The following USH2A variants were observed in gnomAD, a reference collection of about 807,000 sequenced individuals.
USH2A encodes the protein usherin, also known as Usher syndrome 2A (autosomal recessive, mild).
Under a neutral mutation model 538.9 loss-of-function variants are expected in USH2A, and 443 were observed. The ratio of observed to expected loss-of-function variants is 0.82; its 90% CI spans 0.76 to 0.89. The LOEUF is 0.89. USH2A is among the 40% of genes least tolerant of loss of function. The pLI is 0.00. For synonymous variants in USH2A, 2,413 were observed against 2,273.5 expected, an observed-to-expected ratio of 1.06 and a Z score of -1.75; for missense variants, 6,633 against 6,324.8, an observed-to-expected ratio of 1.05 and a Z score of -1.65.
chr1:216,410,248 T>A (rs2039465194), intron 3 of USH2A, among the ~76,000 whole-genome samples: 1 of 152,002 alleles, frequency 6.6e-6, no homozygotes, highest in Non-Finnish European at 1.5e-5. Flanking sequence ...TAGGCTGATG[T>A]TGGGAGTGTA....
At chr1:216,377,740 GA>G (rs1215984257) in intron 3 of USH2A, among the ~76,000 whole-genome samples, 230 of 103,228 alleles carry the variant, frequency 2.2e-3, no homozygotes, top group African/African-American at 7.8e-3. Flanking sequence ...GAAAGAGAAA[GA>G]AAAAAAAAAG....
rs1163061829 is a variant in USH2A at position 215,674,817 on chromosome 1, C to A, written c.13094G>T (p.Trp4365Leu). Residue 4365 changes from tryptophan (W) to leucine (L), a missense_variant, in exon 63 of 72, where the codon TGG (tryptophan) becomes TTG (leucine). Trp to Leu is a moderately conservative substitution (Grantham distance 61). Transcript: ENST00000307340. ...APSEVSPPDL[W>L]AVSATQMNVC... ...ATTCATTTGAGTGGCACTGACGGCCCAAAGATCTGGAGGGCTGACTTCTGA... is the reference window on the plus strand; with the variant it reads ...ATTCATTTGAGTGGCACTGACGGCCAAAAGATCTGGAGGGCTGACTTCTGA... 2 of 1,614,050 alleles carry A rather than the reference C, an allele frequency of 1.2e-6. No homozygotes were observed. Among genetic ancestry groups the A allele is most frequent in the Non-Finnish European group, 1.7e-6 (2 of 1,180,018 alleles).
At chr1:215,823,914 G>C (rs1571721521) in intron 47 of USH2A, among the ~76,000 whole-genome samples, 1 of 151,904 alleles carries the variant, frequency 6.6e-6, no homozygotes, top group Admixed American at 6.6e-5. Context: ...TGTTAAATCT[G>C]TTGAGAAATG....
chr1:216,142,559 T>C (rs1306339354), intron 21 of USH2A, among the ~76,000 whole-genome samples: 1 of 152,150 alleles, frequency 6.6e-6, no homozygotes, highest in African/African-American at 2.4e-5. Flanking sequence ...TAATCTGGAG[T>C]GTGGGGGTTC....
chr1:216,085,546 A>T (rs1293410910), intron 24 of USH2A, among the ~76,000 whole-genome samples: 2 of 152,142 alleles, frequency 1.3e-5, no homozygotes, highest in African/African-American at 2.4e-5. Context: ...CTTAGTTTTC[A>T]GCTTTGAGTT....
intron 11 of USH2A, among the ~76,000 whole-genome samples, chr1:216,287,943 T>A (rs12092433): frequency 0.019 from 2,899 of 152,252 alleles, 94 homozygotes; most frequent in African/African-American, 0.064. Flanking sequence ...CAAATACTTA[T>A]TGGGGGCTTT....
chr1:215,737,486 T>C (rs1571635455), intron 60 of USH2A, among the ~76,000 whole-genome samples: 1 of 152,088 alleles, frequency 6.6e-6, no homozygotes, highest in East Asian at 1.9e-4. Flanking sequence ...CACAGAATTA[T>C]TCTCTAAATT....
chr1:216,019,229 G>C (rs1382532569), intron 32 of USH2A, among the ~76,000 whole-genome samples: 2 of 152,166 alleles, frequency 1.3e-5, no homozygotes, highest in Non-Finnish European at 2.9e-5. Flanking sequence ...TTCTGGATGG[G>C]AAGAGTTGGC....
chr1:215,919,603 T>C (rs1666046612), intron 38 of USH2A, among the ~76,000 whole-genome samples: 2 of 152,068 alleles, frequency 1.3e-5, no homozygotes, highest in Non-Finnish European at 2.9e-5. Context: ...AGATGGAATG[T>C]GGCATTTTCA....
intron 21 of USH2A, among the ~76,000 whole-genome samples, chr1:216,169,011 C>T (rs2034223274): frequency 6.6e-6 from 1 of 152,110 alleles, no homozygotes; most frequent in African/African-American, 2.4e-5. Flanking sequence ...TCCCATACAG[C>T]AGGCTCTATG....
chr1:216,294,051 T>A (rs2102613579), intron 9 of USH2A, among the ~76,000 whole-genome samples: 1 of 152,190 alleles, frequency 6.6e-6, no homozygotes, highest in Middle Eastern at 3.4e-3. Flanking sequence ...TAAGACAAAA[T>A]TTACTCAAAT....
At chr1:216,334,027 T>A (rs1284122010) in intron 4 of USH2A, among the ~76,000 whole-genome samples, 2 of 151,960 alleles carry the variant, frequency 1.3e-5, no homozygotes, top group African/African-American at 4.8e-5. Flanking sequence ...AAATAAAGAG[T>A]ACCTGTAAAG....
At position 216,199,657 on chromosome 1, in the gene USH2A, C is replaced by A. The variant is rs568155510; in HGVS notation, c.3781G>T (p.Val1261Leu). ...MQKISSTELH[V>L]EWSPPAELNG... ...AGTTCCGCTGGTGGAGACCATTCTA[C>A]ATGAAGTTCTGTAGAACTGATTTTC... The change falls in exon 17 of 72, where the codon GTA (valine) becomes TTA (leucine). Residue 1261 changes from valine to leucine, a missense_variant. Transcript: ENST00000307340. 1 of 1,614,110 alleles carries A rather than the reference C, an allele frequency of 6.2e-7. No homozygotes were observed. Among genetic ancestry groups the A allele is most frequent in the East Asian group, 2.2e-5 (1 of 44,854 alleles).
chr1:216,081,632 C>T (rs1018363365), intron 26 of USH2A, among the ~76,000 whole-genome samples: 4 of 152,056 alleles, frequency 2.6e-5, no homozygotes, highest in South Asian at 2.1e-4. Context: ...AGCTCTCTTG[C>T]CCAGGCTGGA....
rs267598374 is a variant in USH2A, at chr1:215,844,354, C to A, written c.9198G>T (p.Met3066Ile). ...TCAGAATAAACGACCCAGGCACATT[C>A]ATTCCAGTCTTGTAGAGCTTATTAT... ...YVNNKLYKTG[M>I]NVPGSFILRD... The change falls in exon 46 of 72, where the codon ATG becomes ATT. Residue 3066 changes from methionine to isoleucine, a missense_variant. Met to Ile is a conservative substitution (Grantham distance 10). Transcript: ENST00000307340. The A allele has an allele frequency of 1.2e-6, 2 of 1,613,720 alleles. No homozygotes were observed. The highest frequency in any genetic ancestry group is 1.1e-5 in the South Asian group (1 of 91,082).
At chr1:215,679,162 C>G (rs1482442440) in intron 62 of USH2A, among the ~76,000 whole-genome samples, 1 of 152,214 alleles carries the variant, frequency 6.6e-6, no homozygotes. Flanking sequence ...CAGGATGGAC[C>G]TGGGACTGTG....
chr1:215,942,920 T>C (rs767314509), intron 37 of USH2A, among the ~76,000 whole-genome samples: 26 of 152,174 alleles, frequency 1.7e-4, no homozygotes, highest in Non-Finnish European at 3.5e-4. Flanking sequence ...GGGAGATACA[T>C]GTGAATAAAT....
At chr1:215,627,437 C>CTTCCTTCT (rs1656084872) in intron 71 of USH2A, among the ~76,000 whole-genome samples, 7 of 50,758 alleles carry the variant, frequency 1.4e-4, no homozygotes, top group African/African-American at 3.3e-4. Context: ...TCCTTCCTTC[C>CTTCCTTCT]TTCCTTCCTT....
At position 215,674,718 on chromosome 1, in the gene USH2A, G is replaced by T; in HGVS notation, c.13193C>A (p.Ser4398Tyr). 1.2e-6 allele frequency: 2 copies of T among 1,614,146 alleles called. No homozygotes were observed. The highest frequency in any genetic ancestry group is 1.7e-6 in the Non-Finnish European group (2 of 1,180,030). ...KYLVRYDNKE[S>Y]LAGQGLCLLV... ...CAGGCACAGGCCCTGGCCAGCAAGG[G>T]ACTCTTTATTATCATATCTAACTAA... The change falls in exon 63 of 72, where the codon TCC becomes TAC. Residue 4398 changes from serine (S) to tyrosine (Y), a missense_variant. Coordinates refer to ENST00000307340, the MANE Select transcript of USH2A (RefSeq NM_206933.4).
Sources: gnomAD v4.1 joint callset for allele counts (sites outside exome capture counted in the v4.1 genomes callset) on GRCh38, gnomAD v4.1.1 for gene constraint, MANE v1.5 for transcripts, NCBI Gene and HGNC (gene_info 2026-07-23, HGNC 2026-07-21) for gene names.